The following DTX2 variants were observed in gnomAD, a reference collection of about 807,000 sequenced individuals.
DTX2 encodes probable E3 ubiquitin-protein ligase DTX2.
DTX2 carries 29 observed loss-of-function variants against 55.3 expected under a neutral mutation model. The ratio of observed to expected loss-of-function variants is 0.52; its 90% CI spans 0.39 to 0.71. The LOEUF (loss-of-function observed/expected upper bound fraction) is 0.71. Ranked by LOEUF, DTX2 falls within the 30% of genes least tolerant of loss-of-function variation. The probability of loss-of-function intolerance (pLI) is 0.00; values close to 1 mark genes in which losing one functional copy is unlikely to be tolerated. For synonymous variants in DTX2, 276 were observed against 340.4 expected (o/e 0.81, Z 2.08); for missense variants, 537 against 822.5 (o/e 0.65, Z 4.25).
rs367675268 is a variant in DTX2, at chr7:76,482,781, C to A, written c.542C>A (p.Pro181Gln). 1.1e-5 allele frequency: 17 copies of A among 1,613,712 alleles called. No individual in the cohort carries two copies. The highest frequency in any genetic ancestry group is 1.4e-5 in the Non-Finnish European group (16 of 1,179,816). The change falls in exon 4 of 11, where the codon CCG becomes CAG. Residue 181 changes from proline (P) to glutamine (Q), a missense_variant. Pro to Gln is a moderately conservative substitution (Grantham distance 76). Coordinates refer to ENST00000430490, the MANE Select transcript of DTX2 (RefSeq NM_001102594.3). ...SVRRQAGPPYPVTTIIAPPGH... is the reference protein window; with the variant it reads ...SVRRQAGPPYQVTTIIAPPGH... ...CGGCGCCAAGCAGGGCCGCCTTACCCGGTGACCACCATCATCGCTCCGCCG... is the reference window on the plus strand; with the variant it reads ...CGGCGCCAAGCAGGGCCGCCTTACCAGGTGACCACCATCATCGCTCCGCCG...
intron 6 of DTX2, among the ~76,000 whole-genome samples, chr7:76,499,650 C>G (rs1192531184): frequency 6.8e-6 from 1 of 147,886 alleles, no homozygotes; most frequent in Non-Finnish European, 1.5e-5. Context: ...CTGCTGGCTT[C>G]TGTGGTTCTG....
chr7:76,505,740 C>G lies in DTX2; in HGVS notation c.*139C>G. The G allele has an allele frequency of 1.2e-6, 1 of 864,870 alleles. No homozygotes were observed. The highest frequency in any genetic ancestry group is 1.8e-6 in the Non-Finnish European group (1 of 564,716). 53.6% of individuals were successfully genotyped at this position (864,870 alleles called of 1,614,324 possible). On this transcript the variant is annotated 3_prime_UTR_variant, in exon 11 of 11. Transcript: ENST00000430490. This position sits in a 1 kb window ranked among gnomAD's most constrained non-coding sequence, Gnocchi z 4.4. ...GGGTGTGCCCCACCTGAAGCCGGGG[C>G]TCCCCCTGCCTGCCTCTCTCTCCTC...
chr7:76,477,120 C>T (rs1381198471), intron 2 of DTX2: 1 of 139,022 alleles, frequency 7.2e-6, no homozygotes, highest in Non-Finnish European at 1.5e-5. Flanking sequence ...ACAGAAACTT[C>T]CAATTGAAGA....
chr7:76,500,678 A>G (rs1811569459), intron 7 of DTX2, among the ~76,000 whole-genome samples, 158 bp downstream of exon 7: 1 of 151,322 alleles, frequency 6.6e-6, no homozygotes, highest in Non-Finnish European at 1.5e-5. Flanking sequence ...CAGCCTCCCG[A>G]GACCCACATC....
chr7:76,489,948 A>G (rs1369786785), intron 4 of DTX2, among the ~76,000 whole-genome samples: 3 of 128,724 alleles, frequency 2.3e-5, no homozygotes. Flanking sequence ...AAGTTAACAA[A>G]AGTAGTTGGG....
intron 2 of DTX2, among the ~76,000 whole-genome samples, chr7:76,476,677 G>A (rs1057232497): frequency 6.6e-6 from 1 of 151,302 alleles, no homozygotes; most frequent in African/African-American, 2.4e-5. Flanking sequence ...TTTGCTTGGG[G>A]GCTGGTATAG....
In DTX2 at chr7:76,472,409, C is replaced by G. The variant is rs1160036029; in HGVS notation, c.-89-8012C>G. Among the ~76,000 whole-genome samples the G allele has an allele frequency of 2.2e-5, 3 of 136,446 alleles. No individual in the cohort carries two copies. In the East Asian group the frequency reaches 6.6e-4, roughly 30 times the overall value. The allele number at this position is 136,446 out of a possible 152,430, so 89.5% of individuals were successfully genotyped here. Reference sequence around the variant, plus strand: ...GGTGCAGTTCTCGGCTCACTGCAACCTCCGCCTCCTGGGTTCAGGGGATTC... The same window carrying G: ...GGTGCAGTTCTCGGCTCACTGCAACGTCCGCCTCCTGGGTTCAGGGGATTC... On this transcript the variant is annotated intron_variant, in intron 2 of 10. Transcript: ENST00000430490.
In DTX2 at chr7:76,469,261, A is replaced by T. The variant is rs984531929; in HGVS notation, c.-90+5552A>T. 2.0e-5 allele frequency among the ~76,000 whole-genome samples: 3 copies of T among 147,840 alleles called. No individual in the cohort carries two copies. The Admixed American group carries it at 2.0e-4, about 10-fold the overall frequency. The stretch of plus-strand genomic sequence containing the variant: ...ACCCAGAGAGGACGTTCCAGCCACC[A>T]TTGCAGTTTAGCTGGTGTTGCTAGG... On this transcript the variant is annotated intron_variant, in intron 2 of 10. Coordinates refer to ENST00000430490, the MANE Select transcript of DTX2 (RefSeq NM_001102594.3).
At chr7:76,488,863 G>A (rs1810155924) in intron 4 of DTX2, among the ~76,000 whole-genome samples, 1 of 84,466 alleles carries the variant, frequency 1.2e-5, no homozygotes, top group African/African-American at 5.8e-5. Flanking sequence ...ACGCCACTGC[G>A]CTCCAGCCTG....
intron 10 of DTX2, among the ~76,000 whole-genome samples, chr7:76,504,772 G>C (rs1379642557): frequency 6.6e-6 from 1 of 152,144 alleles, no homozygotes; most frequent in Non-Finnish European, 1.5e-5. Flanking sequence ...TGTCTGCACT[G>C]AGACATGAAT....
intron 2 of DTX2, among the ~76,000 whole-genome samples, chr7:76,472,493 A>G (rs1808045995): frequency 6.8e-6 from 1 of 146,252 alleles, no homozygotes; most frequent in Non-Finnish European, 1.5e-5. Context: ...TGCCCAGCTA[A>G]TTTTTGTATT....
chr7:76,477,158 G>A (rs1279625726), intron 2 of DTX2: 1 of 66,266 alleles, frequency 1.5e-5, no homozygotes, highest in Non-Finnish European at 3.0e-5. Context: ...CCGCCCGCCC[G>A]CCCGCCCGAG....
At chr7:76,466,614 A>C (rs1807214239) in intron 2 of DTX2, among the ~76,000 whole-genome samples, 1 of 149,798 alleles carries the variant, frequency 6.7e-6, no homozygotes, top group Non-Finnish European at 1.5e-5. Flanking sequence ...TCTTTGAGGC[A>C]GAGTTTCACT....
At chr7:76,472,650 A>G (rs1020711747) in intron 2 of DTX2, among the ~76,000 whole-genome samples, 6 of 150,382 alleles carry the variant, frequency 4.0e-5, no homozygotes, top group Admixed American at 2.6e-4. Context: ...TTCTGATAAT[A>G]GAAGTAATAC....
intron 3 of DTX2, among the ~76,000 whole-genome samples, chr7:76,481,699 G>T (rs1026204108): frequency 6.6e-6 from 1 of 152,038 alleles, no homozygotes; most frequent in Non-Finnish European, 1.5e-5. Context: ...GATGCTGCTC[G>T]CCATCCGGCA....
chr7:76,471,262 C>T (rs1807862544), intron 2 of DTX2, among the ~76,000 whole-genome samples: 1 of 141,794 alleles, frequency 7.1e-6, no homozygotes, highest in South Asian at 2.6e-4. Flanking sequence ...CCTGGGTTCA[C>T]GCCATTCTCC....
chr7:76,469,394 CTTT>C (rs145065555), intron 2 of DTX2, among the ~76,000 whole-genome samples: 168 of 112,516 alleles, frequency 1.5e-3, no homozygotes, highest in Middle Eastern at 5.0e-3. Context: ...GTGAATATTC[CTTT>C]TTTTTTTTTT....
intron 7 of DTX2, chr7:76,501,205 G>A: frequency 2.3e-6 from 1 of 443,452 alleles, no homozygotes; most frequent in Non-Finnish European, 4.5e-6. Context: ...CAGATACTTG[G>A]GGGCGGGTGG....
Position 76,480,676 on chromosome 7 carries a change from T to C in DTX2, c.167T>C (p.Leu56Pro). The C allele has an allele frequency of 6.2e-7, 1 of 1,613,702 alleles. No individual in the cohort carries two copies. The highest frequency in any genetic ancestry group is 8.5e-7 in the Non-Finnish European group (1 of 1,179,856). ...CAGCAGAAGGGCCAACGTTTTGGGC[T>C]TGGGAGCCTGGCCCACAGCATCCCC... ...FVQQKGQRFG[L>P]GSLAHSIPLG... The change falls in exon 3 of 11, where the codon CTT becomes CCT. Residue 56 changes from leucine to proline, a missense_variant. Physicochemically the swap from Leu to Pro is moderately conservative, Grantham distance 98 (BLOSUM62 -3). Coordinates refer to ENST00000430490, the MANE Select transcript of DTX2 (RefSeq NM_001102594.3).
Sources: gnomAD v4.1 joint callset for allele counts (sites outside exome capture counted in the v4.1 genomes callset) on GRCh38, gnomAD v4.1.1 for gene constraint, Gnocchi (gnomAD v3.1) non-coding constraint, MANE v1.5 for transcripts, NCBI Gene and HGNC (gene_info 2026-07-23, HGNC 2026-07-21) for gene names.